The following DMD variants were observed in gnomAD, a reference collection of about 807,000 sequenced individuals.
DMD encodes dystrophin.
DMD carries 63 observed loss-of-function variants against 330.1 expected under a neutral mutation model. The observed-to-expected ratio is 0.19, with a 90% CI of 0.16 to 0.24. DMD has a LOEUF of 0.24. Ranked by LOEUF, DMD falls within the 10% of genes least tolerant of loss-of-function variation. DMD has a pLI of 1.00. For missense variants in DMD, 3,344 were observed against 2,684.1 expected (o/e 1.25, Z -5.43); for synonymous variants, 1,223 against 959.8 (o/e 1.27, Z -5.07).
At chrX:32,722,203 G>T (rs1569488083) in intron 7 of DMD, among the ~76,000 whole-genome samples, 1 of 109,888 alleles carries the variant, frequency 9.1e-6, no homozygotes, top group African/African-American at 3.3e-5. Flanking sequence ...TTTTCACAGG[G>T]ATTACATTAA....
At chrX:32,229,721 TATATAA>T (rs1295408561) in intron 43 of DMD, among the ~76,000 whole-genome samples, 2 of 72,579 alleles carry the variant, frequency 2.8e-5, no homozygotes, top group Admixed American at 1.7e-4. Flanking sequence ...TATATATATA[TATATAA>T]AATCAAAGAG....
intron 60 of DMD, among the ~76,000 whole-genome samples, chrX:31,350,447 T>C (rs2058328040): frequency 1.8e-5 from 2 of 112,418 alleles, no homozygotes; most frequent in South Asian, 7.3e-4. Flanking sequence ...TGGAAACTTC[T>C]TGATAGCAGG....
intron 59 of DMD, among the ~76,000 whole-genome samples, chrX:31,453,378 T>G (rs1419760437): frequency 9.0e-6 from 1 of 110,832 alleles, no homozygotes. Context: ...GCCAGGCTGG[T>G]CTCGAACTCC....
chrX:31,173,906 C>T (rs1324713518), intron 71 of DMD, among the ~76,000 whole-genome samples: 1 of 111,521 alleles, frequency 9.0e-6, no homozygotes, highest in African/African-American at 3.2e-5. Flanking sequence ...TTTTGTCCTC[C>T]TACTTTGTAA....
intron 64 of DMD, among the ~76,000 whole-genome samples, chrX:31,222,357 C>T (rs1351247938): frequency 1.7e-4 from 15 of 86,040 alleles, no homozygotes; most frequent in African/African-American, 7.1e-4. Context: ...CACTCCACTG[C>T]ACTCCAGCCT....
chrX:31,653,914 T>A (rs1431813138), intron 54 of DMD, among the ~76,000 whole-genome samples: 1 of 111,459 alleles, frequency 9.0e-6, no homozygotes, highest in Non-Finnish European at 1.9e-5. Context: ...GTTTCTAAAC[T>A]GTACAATTTA....
chrX:32,774,485 G>C (rs1173506504), intron 7 of DMD, among the ~76,000 whole-genome samples: 1 of 111,607 alleles, frequency 9.0e-6, no homozygotes, highest in East Asian at 2.8e-4. Context: ...GAAAGAAAGA[G>C]GTTTAATTGA....
intron 43 of DMD, among the ~76,000 whole-genome samples, chrX:32,278,128 T>G: frequency 9.0e-6 from 1 of 110,894 alleles, no homozygotes; most frequent in Middle Eastern, 4.7e-3. Flanking sequence ...AGAAAGGAGA[T>G]ATTACAATTA....
intron 5 of DMD, among the ~76,000 whole-genome samples, chrX:32,822,454 G>T (rs970267428): frequency 9.1e-6 from 1 of 109,865 alleles, no homozygotes; most frequent in African/African-American, 3.3e-5. Flanking sequence ...GAAAATATTA[G>T]TGGATATAAG....
At chrX:32,450,604 T>G (rs192974807) in intron 26 of DMD, among the ~76,000 whole-genome samples, 53 of 110,517 alleles carry the variant, frequency 4.8e-4, no homozygotes, top group African/African-American at 1.6e-3. Flanking sequence ...TCGGATGTGT[T>G]TTGTTACCTC....
intron 1 of DMD, among the ~76,000 whole-genome samples, chrX:33,209,923 T>C (rs1304099149): frequency 1.8e-5 from 2 of 110,269 alleles, no homozygotes; most frequent in African/African-American, 3.3e-5. Flanking sequence ...AATATATATA[T>C]ATATAAAATC....
At chrX:31,548,687 G>A (rs1188095218) in intron 55 of DMD, among the ~76,000 whole-genome samples, 2 of 109,730 alleles carry the variant, frequency 1.8e-5, no homozygotes, top group East Asian at 2.8e-4. Flanking sequence ...ACTGCACCAG[G>A]CCTGGAAATT....
chrX:32,470,676 G>C (rs763215966), intron 22 of DMD, among the ~76,000 whole-genome samples: 15 of 111,041 alleles, frequency 1.4e-4, no homozygotes, highest in Non-Finnish European at 2.8e-4. Context: ...ATTATGCCAA[G>C]CATTAAAAAC....
At chrX:33,241,864 C>A (rs1048211384) in intron 1 of DMD, among the ~76,000 whole-genome samples, 1 of 110,852 alleles carries the variant, frequency 9.0e-6, no homozygotes, top group Non-Finnish European at 1.9e-5. Context: ...TGGATTCCAG[C>A]GATTCTCATG....
intron 1 of DMD, among the ~76,000 whole-genome samples, chrX:33,292,343 C>G (rs2053524280): frequency 9.0e-6 from 1 of 111,517 alleles, no homozygotes; most frequent in Admixed American, 9.6e-5. Flanking sequence ...ATAGATCTAT[C>G]ATGAATATCA....
At chrX:31,455,257 T>C (rs2066079860) in intron 59 of DMD, among the ~76,000 whole-genome samples, 1 of 110,761 alleles carries the variant, frequency 9.0e-6, no homozygotes, top group Non-Finnish European at 1.9e-5. Flanking sequence ...AAGTGTCTCC[T>C]TTTTCCTTGA....
intron 44 of DMD, among the ~76,000 whole-genome samples, chrX:32,019,180 G>C (rs1421055579): frequency 9.3e-6 from 1 of 107,548 alleles, no homozygotes; most frequent in Non-Finnish European, 1.9e-5. Flanking sequence ...TGATGAGAAA[G>C]CACATACAAA....
At position 32,957,367 on chromosome X, in the gene DMD, A is replaced by G. The variant is rs189990503; in HGVS notation, c.93+62772T>C. 2.5e-4 allele frequency among the ~76,000 whole-genome samples: 28 copies of G among 111,911 alleles called. No homozygotes were observed. The East Asian group carries it at 7.3e-3, about 29-fold the overall frequency. ...CTAATATGTGCCAGGCATGTGATAA[A>G]CAGCAGGATGCAAAGTATACATAGT... On this transcript the variant is annotated intron_variant, in intron 2 of 78. Transcript: ENST00000357033.
intron 44 of DMD, among the ~76,000 whole-genome samples, chrX:32,027,380 T>C (rs998049500): frequency 3.6e-5 from 4 of 111,633 alleles, no homozygotes; most frequent in African/African-American, 1.3e-4. Context: ...AAAAAAAGCT[T>C]GGTGTAAAGA....
Sources: allele counts gnomAD v4.1 joint callset (sites outside exome capture counted in the v4.1 genomes callset), GRCh38; gene constraint gnomAD v4.1.1; transcripts MANE v1.5; gene names NCBI Gene and HGNC (gene_info 2026-07-23, HGNC 2026-07-21).